EPHA5: variants seen among roughly 807,000 people sequenced by gnomAD.
The protein encoded by EPHA5 is EPH receptor A5.
A neutral mutation model predicts 105.0 loss-of-function variants in EPHA5; 60 were observed. The observed-to-expected ratio is 0.57, with a 90% confidence interval of 0.46 to 0.71. EPHA5 has a LOEUF of 0.71. EPHA5 is among the 30% of genes least tolerant of loss of function. The pLI is 0.00. For synonymous variants in EPHA5, 513 were observed against 449.1 expected (o/e 1.14, Z -1.80); for missense variants, 1,218 against 1,274.7 (o/e 0.96, Z 0.68).
chr4:65,363,051 A>G (rs1717489420), intron 11 of EPHA5, among the ~76,000 whole-genome samples: 1 of 151,664 alleles, frequency 6.6e-6, no homozygotes. Flanking sequence ...TAGACTTTGA[A>G]TAAGGTTTCA....
chr4:65,385,592 C>A (rs1719998959), intron 8 of EPHA5, among the ~76,000 whole-genome samples: 1 of 151,754 alleles, frequency 6.6e-6, no homozygotes, highest in Non-Finnish European at 1.5e-5. Context: ...GCATTAAAAT[C>A]ACATATTATA....
chr4:65,492,386 G>C (rs930103913), intron 4 of EPHA5, among the ~76,000 whole-genome samples: 4 of 151,686 alleles, frequency 2.6e-5, no homozygotes, highest in Non-Finnish European at 5.9e-5. Flanking sequence ...ATTTTTAGTA[G>C]AGATAAGATT....
rs535866490 is a variant in EPHA5 at position 65,397,902 on chromosome 4, G to T, written c.1793+6472C>A. Reference sequence around the variant, plus strand: ...GTTAGATGTACCTCTTCAGAGGGGGGACTGATGGCAGTGGTGGCCTGTCTG... The same window carrying T: ...GTTAGATGTACCTCTTCAGAGGGGGTACTGATGGCAGTGGTGGCCTGTCTG... On this transcript the variant is annotated intron_variant, in intron 8 of 16. Coordinates refer to ENST00000613740, the MANE Select transcript of EPHA5 (RefSeq NM_001281766.3). 2.0e-5 allele frequency among the ~76,000 whole-genome samples: 3 copies of T among 152,258 alleles called. No individual in the cohort carries two copies. The South Asian group carries it at 6.2e-4, about 32-fold the overall frequency.
intron 10 of EPHA5, 93 bp from the exon 11 acceptor site, chr4:65,365,295 G>T: frequency 9.6e-7 from 1 of 1,038,118 alleles, no homozygotes; most frequent in Non-Finnish European, 1.4e-6. Context: ...AGGCTTAGAT[G>T]AAAAAACAAA....
At chr4:65,639,232 T>A (rs1340450297) in intron 2 of EPHA5, among the ~76,000 whole-genome samples, 2 of 152,258 alleles carry the variant, frequency 1.3e-5, no homozygotes, top group African/African-American at 2.4e-5. Context: ...TGCATATGTG[T>A]AAAACCTATT....
At chr4:65,404,898 T>C (rs951141886) in intron 7 of EPHA5, among the ~76,000 whole-genome samples, 1 of 152,166 alleles carries the variant, frequency 6.6e-6, no homozygotes, top group Non-Finnish European at 1.5e-5. Flanking sequence ...AAGAATCTGA[T>C]GAACCCAGAT....
intron 1 of EPHA5, among the ~76,000 whole-genome samples, chr4:65,649,951 C>G (rs139233153): frequency 2.6e-5 from 4 of 152,180 alleles, no homozygotes; most frequent in Non-Finnish European, 5.9e-5. Flanking sequence ...TGATCAATGC[C>G]TCATTTTTGT....
chr4:65,574,655 C>CATATATATACACATATATATATACAT (rs1740643096), intron 3 of EPHA5, among the ~76,000 whole-genome samples: 1 of 89,306 alleles, frequency 1.1e-5, no homozygotes, highest in African/African-American at 4.1e-5. Context: ...TATATATACA[C>CATATATATACACATATATATATACAT]ATATATATAT....
intron 8 of EPHA5, among the ~76,000 whole-genome samples, chr4:65,384,787 A>C (rs1719920229): frequency 6.6e-6 from 1 of 151,942 alleles, no homozygotes; most frequent in Non-Finnish European, 1.5e-5. Flanking sequence ...ATCAACGACC[A>C]TCTTATTTCT....
At chr4:65,424,833 G>A (rs1435206017) in intron 5 of EPHA5, among the ~76,000 whole-genome samples, 1 of 151,868 alleles carries the variant, frequency 6.6e-6, no homozygotes, top group Non-Finnish European at 1.5e-5. Flanking sequence ...AAAATGTTGG[G>A]CTTTCTAATG....
chr4:65,365,847 A>T (rs991485250), intron 10 of EPHA5, 85 bp downstream of exon 10: 29 of 1,355,666 alleles, frequency 2.1e-5, no homozygotes, highest in Non-Finnish European at 2.8e-5. Flanking sequence ...GATTAAAAAC[A>T]TTCTCTGTTA....
At chr4:65,616,469 A>C (rs1017064982) in intron 2 of EPHA5, among the ~76,000 whole-genome samples, 2 of 151,522 alleles carry the variant, frequency 1.3e-5, no homozygotes, top group Non-Finnish European at 3.0e-5. Flanking sequence ...AGAGAGAGAG[A>C]GAGAAGAGCA....
chr4:65,484,605 T>C (rs1730698625), intron 5 of EPHA5, among the ~76,000 whole-genome samples: 1 of 152,186 alleles, frequency 6.6e-6, no homozygotes, highest in Non-Finnish European at 1.5e-5. Flanking sequence ...TGTGTCTGTT[T>C]CGGCCCAGAA....
At chr4:65,413,498 T>G (rs1352491693) in intron 7 of EPHA5, among the ~76,000 whole-genome samples, 2 of 152,022 alleles carry the variant, frequency 1.3e-5, no homozygotes, top group Non-Finnish European at 2.9e-5. Context: ...ATTTCATTGA[T>G]TTTTGAAAAA....
chr4:65,530,862 A>G (rs536470802), intron 3 of EPHA5, among the ~76,000 whole-genome samples: 1 of 152,278 alleles, frequency 6.6e-6, no homozygotes, highest in East Asian at 1.9e-4. Context: ...AGTGTGTCCA[A>G]CAATAAGCTG....
intron 5 of EPHA5, among the ~76,000 whole-genome samples, chr4:65,472,282 C>T (rs899453199): frequency 2.6e-5 from 4 of 152,158 alleles, no homozygotes; most frequent in African/African-American, 9.6e-5. Flanking sequence ...CTTTGGGAAG[C>T]TCCTTCATGG....
intron 1 of EPHA5, among the ~76,000 whole-genome samples, chr4:65,666,772 A>G (rs1487199449): frequency 6.6e-6 from 1 of 152,188 alleles, no homozygotes; most frequent in African/African-American, 2.4e-5. Context: ...TCTGCTATCC[A>G]ACATATTCAA....
intron 5 of EPHA5, among the ~76,000 whole-genome samples, chr4:65,440,547 T>C (rs1399392083): frequency 7.6e-5 from 10 of 130,992 alleles, no homozygotes; most frequent in Non-Finnish European, 1.7e-4. Context: ...GGGAGGAATT[T>C]TCTAATCTTA....
At chr4:65,328,507 C>A (rs996651405) in intron 16 of EPHA5, among the ~76,000 whole-genome samples, 1 of 151,218 alleles carries the variant, frequency 6.6e-6, no homozygotes, top group Non-Finnish European at 1.5e-5. Context: ...ACTTTACACA[C>A]CTTTTAGCCG....
Sources: gnomAD v4.1 joint callset for allele counts (sites outside exome capture counted in the v4.1 genomes callset) on GRCh38, gnomAD v4.1.1 for gene constraint, MANE v1.5 for transcripts, NCBI Gene and HGNC (gene_info 2026-07-23, HGNC 2026-07-21) for gene names.